Variants in ELAVL3 observed in about 807,000 individuals in gnomAD.
The protein encoded by ELAVL3 is ELAV like RNA binding protein 3.
Under a neutral mutation model 34.2 loss-of-function variants are expected in ELAVL3, and 8 were observed. The observed-to-expected ratio is 0.23, with a 90% CI of 0.14 to 0.42. ELAVL3 has a LOEUF of 0.42. ELAVL3 is among the 10% of genes least tolerant of loss of function. ELAVL3 has a pLI of 1.00. For missense variants in ELAVL3, 273 were observed against 518.8 expected, an observed-to-expected ratio of 0.53 and a Z score of 4.60; for synonymous variants, 209 against 222.1, an observed-to-expected ratio of 0.94 and a Z score of 0.53.
chr19:11,454,453 C>A lies in ELAVL3; in HGVS notation c.*73G>T. ...GTGCTGTCTCTCTTGGGCCCCTTCTCTCTCTCTCTCTCTCTTTCTCTCTCT... is the reference window on the plus strand; with the variant it reads ...GTGCTGTCTCTCTTGGGCCCCTTCTATCTCTCTCTCTCTCTTTCTCTCTCT... On this transcript the variant is annotated 3_prime_UTR_variant, in exon 7 of 7. Coordinates refer to ENST00000359227, the MANE Select transcript of ELAVL3 (RefSeq NM_001420.4). This position sits in a 1 kb window ranked among gnomAD's most constrained non-coding sequence, Gnocchi z 9.2. The A allele has an allele frequency of 7.8e-7, 1 of 1,282,032 alleles. No individual in the cohort carries two copies. The highest frequency in any genetic ancestry group is 1.0e-6 in the Non-Finnish European group (1 of 956,196). 79.4% of individuals were successfully genotyped at this position (1,282,032 alleles called of 1,614,324 possible).
At chr19:11,457,762 G>A (rs1391992957) in intron 5 of ELAVL3, among the ~76,000 whole-genome samples, 1 of 152,236 alleles carries the variant, frequency 6.6e-6, no homozygotes, top group Non-Finnish European at 1.5e-5. Flanking sequence ...TGTTATTACA[G>A]ATGGGAAACT....
At chr19:11,473,509 C>A (rs963052274) in intron 1 of ELAVL3, among the ~76,000 whole-genome samples, 1 of 152,326 alleles carries the variant, frequency 6.6e-6, no homozygotes, top group East Asian at 1.9e-4. Flanking sequence ...CTCAACCATC[C>A]CTGACTCAAG....
At chr19:11,474,402 C>T (rs1451197064) in intron 1 of ELAVL3, among the ~76,000 whole-genome samples, 3 of 152,092 alleles carry the variant, frequency 2.0e-5, no homozygotes, top group African/African-American at 4.8e-5. Context: ...CCAGACCAGC[C>T]TTGCCAACAT....
At position 11,454,430 on chromosome 19, in the gene ELAVL3, G is replaced by A. The variant is rs1970722320; in HGVS notation, c.*96C>T. 6 of 1,227,708 alleles carry A rather than the reference G, an allele frequency of 4.9e-6. No homozygotes were observed. The highest frequency in any genetic ancestry group is 4.4e-6 in the Non-Finnish European group (4 of 904,102). 76.1% of individuals were successfully genotyped at this position (1,227,708 alleles called of 1,614,324 possible). ...TCGCGTCGTCCGTGGGGCTGCCTGT[G>A]CTGTCTCTCTTGGGCCCCTTCTCTC... On this transcript the variant is annotated 3_prime_UTR_variant, in exon 7 of 7. Transcript: ENST00000359227. The surrounding 1 kb of genome is among the most constrained non-coding windows in gnomAD (Gnocchi z 9.2).
chr19:11,474,056 G>A (rs138407485), intron 1 of ELAVL3, among the ~76,000 whole-genome samples: 130 of 152,134 alleles, frequency 8.5e-4, no homozygotes, highest in African/African-American at 2.7e-3. Flanking sequence ...TATTAGAGAC[G>A]GGGTCTCGCT....
intron 3 of ELAVL3, among the ~76,000 whole-genome samples, chr19:11,464,125 C>CTCTCTGTCTCTCTCTG (rs1970952716): frequency 2.1e-5 from 2 of 93,648 alleles, no homozygotes; most frequent in African/African-American, 1.1e-4. Context: ...CTCTCTCTGT[C>CTCTCTGTCTCTCTCTG]TCTCTCTCTC....
In ELAVL3 at chr19:11,458,316, C is replaced by A. The variant is rs763717629; in HGVS notation, c.488-30G>T. ...CAGGGGGCAGGGATGTCCATCACGA[C>A]GACCCTGTCCCCTCCTGTGTAACCC... On this transcript the variant is annotated intron_variant, in intron 4 of 6. Transcript: ENST00000359227. The surrounding 1 kb of genome is among the most constrained non-coding windows in gnomAD (Gnocchi z 7.3). 6.2e-7 allele frequency: 1 copy of A among 1,610,772 alleles called. No homozygotes were observed. The highest frequency in any genetic ancestry group is 1.3e-5 in the African/African-American group (1 of 75,012).
chr19:11,454,682 G>C lies in ELAVL3; in HGVS notation c.948C>G (p.Ile316Met). ...PFGAVTNVKV[I>M]RDFTTNKCKG... is the part of the protein sequence containing the mutation. ...TGCACTTGTTGGTGGTGAAATCACG[G>C]ATGACCTTGACGTTGGTGACTGCCC... Residue 316 changes from isoleucine (I) to methionine (M), a missense_variant, in exon 7 of 7, where the codon ATC (isoleucine) becomes ATG (methionine). Ile to Met is a conservative substitution (Grantham distance 10). Coordinates refer to ENST00000359227, the MANE Select transcript of ELAVL3 (RefSeq NM_001420.4). This position sits in a 1 kb window ranked among gnomAD's most constrained non-coding sequence, Gnocchi z 9.2. 1 of 1,614,230 alleles carries C rather than the reference G, an allele frequency of 6.2e-7. No homozygotes were observed. The highest frequency in any genetic ancestry group is 8.5e-7 in the Non-Finnish European group (1 of 1,180,024).
intron 1 of ELAVL3, among the ~76,000 whole-genome samples, chr19:11,474,982 C>T (rs571259122): frequency 1.3e-5 from 2 of 152,316 alleles, no homozygotes; most frequent in South Asian, 2.1e-4. Flanking sequence ...GCACCCACCA[C>T]CACGCCTGGC....
intron 1 of ELAVL3, among the ~76,000 whole-genome samples, chr19:11,472,022 A>C (rs1252841098): frequency 1.3e-5 from 2 of 152,206 alleles, no homozygotes; most frequent in Non-Finnish European, 2.9e-5. Context: ...TCAGTGGCAC[A>C]GTTGGCACAT....
At chr19:11,461,568 CTCTT>C (rs1312270361) in intron 3 of ELAVL3, among the ~76,000 whole-genome samples, 1 of 146,414 alleles carries the variant, frequency 6.8e-6, no homozygotes, top group African/African-American at 2.5e-5. Flanking sequence ...CCTTCCTTTC[CTCTT>C]TCTTTTTCTT....
At position 11,454,584 on chromosome 19, in the gene ELAVL3, C is replaced by T; in HGVS notation, c.1046G>A (p.Arg349His). 1 of 1,614,166 alleles carries T rather than the reference C, an allele frequency of 6.2e-7. No individual in the cohort carries two copies. The highest frequency in any genetic ancestry group is 8.5e-7 in the Non-Finnish European group (1 of 1,180,004). The change falls in exon 7 of 7, where the codon CGC (arginine) becomes CAC (histidine). Residue 349 changes from arginine to histidine, a missense_variant. Arg to His is a conservative substitution (Grantham distance 29). This residue lies in a region of ELAVL3 where 52 missense variants were observed against 119.6 expected (regional missense o/e 0.43). Coordinates refer to ENST00000359227, the MANE Select transcript of ELAVL3 (RefSeq NM_001420.4). The surrounding 1 kb of genome is among the most constrained non-coding windows in gnomAD (Gnocchi z 9.2). ...AMAIASLNGY[R>H]LGERVLQVSF... ...GACCTGCAGCACGCGCTCGCCCAGGCGATAGCCGTTCAGGCTGGCGATGGC... is the reference window on the plus strand; with the variant it reads ...GACCTGCAGCACGCGCTCGCCCAGGTGATAGCCGTTCAGGCTGGCGATGGC...
intron 1 of ELAVL3, among the ~76,000 whole-genome samples, chr19:11,467,519 T>C (rs11671597): frequency 0.087 from 13,247 of 152,062 alleles, 844 homozygotes; most frequent in African/African-American, 0.17. Flanking sequence ...TTGGTTGCTC[T>C]GTCACCCAGA....
intron 5 of ELAVL3, among the ~76,000 whole-genome samples, chr19:11,457,435 G>A (rs1210853524): frequency 1.3e-5 from 2 of 152,154 alleles, no homozygotes; most frequent in East Asian, 3.9e-4. Flanking sequence ...GGGATCCCTG[G>A]GGAAAGATAA....
chr19:11,451,785 G>GGGGCCT lies in ELAVL3; in HGVS notation c.*2735_*2740dup, dbSNP rs1482357618. On this transcript the variant is annotated 3_prime_UTR_variant, in exon 7 of 7. Coordinates refer to ENST00000359227, the MANE Select transcript of ELAVL3 (RefSeq NM_001420.4). ...TCCCCTCCCAGTCTTGGGGGTGGCAGGGGCCTAGGCCTCGGTGGGGGGGGG... is the reference window on the plus strand; with the variant it reads ...TCCCCTCCCAGTCTTGGGGGTGGCAGGGGCCTGGGCCTAGGCCTCGGTGGGGGGGGG... The GGGGCCT allele has an allele frequency of 2.0e-5, 3 of 151,060 alleles. No individual in the cohort carries two copies. In the East Asian group the frequency reaches 5.8e-4, roughly 29 times the overall value. 9.4% of individuals were successfully genotyped at this position (151,060 alleles called of 1,614,324 possible).
intron 3 of ELAVL3, among the ~76,000 whole-genome samples, chr19:11,464,347 G>A (rs1970965526): frequency 6.6e-6 from 1 of 150,420 alleles, no homozygotes; most frequent in African/African-American, 2.4e-5. Flanking sequence ...TTTTTTTTTA[G>A]GAACAGGGTT....
chr19:11,461,780 T>C (rs1970890579), intron 3 of ELAVL3, among the ~76,000 whole-genome samples: 1 of 152,126 alleles, frequency 6.6e-6, no homozygotes, highest in Admixed American at 6.6e-5. Flanking sequence ...TTTCTGTTTC[T>C]TCTAATTAAC....
chr19:11,458,720 G>C lies in ELAVL3; in HGVS notation c.334-109C>G. The stretch of plus-strand genomic sequence containing the variant: ...CGGAGTTAGCAGAAGTGACCCATCC[G>C]TCACTCAATAAGTATCTCTAGAGTT... On this transcript the variant is annotated intron_variant, in intron 3 of 6. Coordinates refer to ENST00000359227, the MANE Select transcript of ELAVL3 (RefSeq NM_001420.4). This position sits in a 1 kb window ranked among gnomAD's most constrained non-coding sequence, Gnocchi z 7.3. 1 of 1,408,474 alleles carries C rather than the reference G, an allele frequency of 7.1e-7. No homozygotes were observed. Among genetic ancestry groups the C allele is most frequent in the Non-Finnish European group, 9.7e-7 (1 of 1,028,052 alleles). The allele number at this position is 1,408,474 out of a possible 1,614,324, so 87.2% of individuals were successfully genotyped here.
intron 3 of ELAVL3, among the ~76,000 whole-genome samples, chr19:11,464,921 C>CAT (rs1970998307): frequency 7.4e-6 from 1 of 136,052 alleles, no homozygotes; most frequent in African/African-American, 2.8e-5. Flanking sequence ...ACACCACACA[C>CAT]ACACCACACA....
Sources: gnomAD v4.1 joint callset for allele counts (sites outside exome capture counted in the v4.1 genomes callset) on GRCh38, gnomAD v4.1.1 for gene constraint, gnomAD v4.1.1 regional missense constraint, Gnocchi (gnomAD v3.1) non-coding constraint, MANE v1.5 for transcripts, NCBI Gene and HGNC (gene_info 2026-07-23, HGNC 2026-07-21) for gene names.